VASP: variants seen among roughly 807,000 people sequenced by gnomAD.
The protein encoded by VASP is vasodilator stimulated phosphoprotein, also known as vasodilator-stimulated phosphoprotein.
Under a neutral mutation model 54.4 loss-of-function variants are expected in VASP, and 27 were observed. The observed-to-expected ratio is 0.50, with a 90% confidence interval of 0.37 to 0.68. VASP has a LOEUF of 0.68. VASP is among the 30% of genes least tolerant of loss of function. The pLI is 0.00. For missense variants in VASP, 488 were observed against 528.3 expected, an observed-to-expected ratio of 0.92 and a Z score of 0.75; for synonymous variants, 233 against 209.8, an observed-to-expected ratio of 1.11 and a Z score of -0.96.
In VASP at chr19:45,523,896, C is replaced by T. The variant is rs1488619113; in HGVS notation, c.910+19C>T. 4 of 1,613,814 alleles carry T rather than the reference C, an allele frequency of 2.5e-6. No homozygotes were observed. Among genetic ancestry groups the T allele is most frequent in the African/African-American group, 2.7e-5 (2 of 74,990 alleles). On this transcript the variant is annotated intron_variant, in intron 9 of 12. Transcript: ENST00000245932. The stretch of plus-strand genomic sequence containing the variant: ...CAGAGTGGTGAGTAGAGTGCCCAGT[C>T]CAGCCACAGGAACTACAAATCCCAG...
At chr19:45,516,160 C>T (rs926894380) in intron 1 of VASP, among the ~76,000 whole-genome samples, 20 of 152,322 alleles carry the variant, frequency 1.3e-4, no homozygotes, top group African/African-American at 4.8e-4. Flanking sequence ...TGGTCCTAAA[C>T]CTGGGTTGGT....
At chr19:45,522,984 C>T (rs1026511788) in intron 7 of VASP, among the ~76,000 whole-genome samples, 166 bp downstream of exon 7, 1 of 152,142 alleles carries the variant, frequency 6.6e-6, no homozygotes, top group African/African-American at 2.4e-5. Flanking sequence ...ATGCCTGAGG[C>T]TTGCAACCAC....
intron 1 of VASP, among the ~76,000 whole-genome samples, chr19:45,513,234 G>C (rs1474682503): frequency 6.6e-6 from 1 of 151,646 alleles, no homozygotes; most frequent in Non-Finnish European, 1.5e-5. Flanking sequence ...GTAAAAGTTT[G>C]CCTTTTTTTG....
At chr19:45,522,934 A>G in intron 7 of VASP, 116 bp downstream of exon 7, 1 of 1,111,682 alleles carries the variant, frequency 9.0e-7, no homozygotes, top group Non-Finnish European at 1.3e-6. Context: ...TCCCCCTTTG[A>G]TAACCAGGTT....
Position 45,526,980 on chromosome 19 carries a change from T to C in VASP, c.*803T>C, listed in dbSNP as rs1225955404. On this transcript the variant is annotated 3_prime_UTR_variant, in exon 13 of 13. Transcript: ENST00000245932. ...TGCAGAATAAATCTGCCAGTTTTTA[T>C]AAATGCTAAGATCTCTGGAGTGATT... 6.6e-6 allele frequency: 1 copy of C among 152,100 alleles called. No homozygotes were observed. The highest frequency in any genetic ancestry group is 1.5e-5 in the Non-Finnish European group (1 of 68,032). The allele number at this position is 152,100 out of a possible 1,614,324, so 9.4% of individuals were successfully genotyped here.
Position 45,507,975 on chromosome 19 carries a change from T to G in VASP, c.5+199T>G, listed in dbSNP as rs536515919. Among the ~76,000 whole-genome samples the G allele has an allele frequency of 6.0e-5, 9 of 150,524 alleles. No homozygotes were observed. Among genetic ancestry groups the G allele is most frequent in the African/African-American group, 2.2e-4 (9 of 40,814 alleles). On this transcript the variant is annotated intron_variant, in intron 1 of 12. Coordinates refer to ENST00000245932, the MANE Select transcript of VASP (RefSeq NM_003370.4). The surrounding 1 kb of genome is among the most constrained non-coding windows in gnomAD (Gnocchi z 4.4). The stretch of plus-strand genomic sequence containing the variant: ...CGACTGACTCCCCAAGCTCGGGGGG[T>G]GGTGGCGGTGAGGTTCTCCTGGGAG...
intron 8 of VASP, 64 bp downstream of exon 8, chr19:45,523,759 G>A: frequency 6.2e-7 from 1 of 1,614,016 alleles, no homozygotes. Flanking sequence ...GGGATAGTGG[G>A]ATGTGTGGGG....
intron 1 of VASP, among the ~76,000 whole-genome samples, chr19:45,512,701 G>A (rs1016737504): frequency 2.0e-5 from 3 of 152,002 alleles, no homozygotes; most frequent in Non-Finnish European, 2.9e-5. Context: ...CTGGGTTCAC[G>A]TGATTCTCCT....
At chr19:45,520,241 C>T (rs1232138518) in intron 3 of VASP, among the ~76,000 whole-genome samples, 1 of 152,146 alleles carries the variant, frequency 6.6e-6, no homozygotes, top group Non-Finnish European at 1.5e-5. Flanking sequence ...CATGAATCAC[C>T]TGGGGATCTG....
chr19:45,522,850 G>A (rs766199016), intron 7 of VASP, 32 bp downstream of exon 7: 1 of 1,590,698 alleles, frequency 6.3e-7, no homozygotes, highest in Non-Finnish European at 8.5e-7. Context: ...CAAGTCACCT[G>A]GAGTTCCAGT....
Position 45,522,818 on chromosome 19 carries a change from G to A in VASP, c.821G>A (p.Arg274Lys). 6.2e-7 allele frequency: 1 copy of A among 1,605,792 alleles called. No homozygotes were observed. The highest frequency in any genetic ancestry group is 1.1e-5 in the South Asian group (1 of 90,198). The change falls in exon 7 of 13, where the codon AGA becomes AAA. Residue 274 changes from arginine (R) to lysine (K), a missense_variant and splice_region_variant. Physicochemically the swap from Arg to Lys is conservative, Grantham distance 26. Transcript: ENST00000245932. ...GAGATGAACGCCATGCTGGCCCGGA[G>A]GTGAGCCTGAGCCTGGACCCCCAAG... ...MEEMNAMLAR[R>K]RKATQVGEKT...
At position 45,517,940 on chromosome 19, in the gene VASP, C is replaced by G; in HGVS notation, c.189C>G (p.Asn63Lys). The G allele has an allele frequency of 6.8e-7, 1 of 1,480,664 alleles. No homozygotes were observed. Among genetic ancestry groups the G allele is most frequent in the South Asian group, 1.1e-5 (1 of 88,960 alleles). The allele number at this position is 1,480,664 out of a possible 1,614,324, so 91.7% of individuals were successfully genotyped here. ...KMQPDQQVVI[N>K]CAIVRGVKYN... ...TCCCCTCCCACCAGGTGGTCATCAA[C>G]TGTGCCATCGTCCGGGGTGTCAAGT... Residue 63 changes from asparagine to lysine, a missense_variant, in exon 3 of 13, where the codon AAC (asparagine) becomes AAG (lysine). By Grantham distance (94) the Asn-to-Lys change is moderately conservative. Coordinates refer to ENST00000245932, the MANE Select transcript of VASP (RefSeq NM_003370.4).
Position 45,526,322 on chromosome 19 carries a change from AG to A in VASP, c.*150del. On this transcript the variant is annotated 3_prime_UTR_variant, in exon 13 of 13. Coordinates refer to ENST00000245932, the MANE Select transcript of VASP (RefSeq NM_003370.4). ...TCCCCATCCCACTTGGAAAACTCCA[AG>A]GGGGTGTGGCTTCCCTGCTCACACC... 1 of 1,050,740 alleles carries A rather than the reference AG, an allele frequency of 9.5e-7. No individual in the cohort carries two copies. Among genetic ancestry groups the A allele is most frequent in the South Asian group, 1.8e-5 (1 of 55,804 alleles). 65.1% of individuals were successfully genotyped at this position (1,050,740 alleles called of 1,614,324 possible). A position where few individuals can be genotyped will look rare whatever the true frequency, so the allele number is the denominator to read the frequency against.
At position 45,521,307 on chromosome 19, in the gene VASP, T is replaced by C; in HGVS notation, c.344-15T>C. On this transcript the variant is annotated splice_polypyrimidine_tract_variant and intron_variant, in intron 3 of 12. Transcript: ENST00000245932. Reference sequence around the variant, plus strand: ...TCTGGGACTGATCCATGGCCCTTTCTCTCTCACCTTTCAGGAGGTGGGCCC... The same window carrying C: ...TCTGGGACTGATCCATGGCCCTTTCCCTCTCACCTTTCAGGAGGTGGGCCC... 1 of 1,564,918 alleles carries C rather than the reference T, an allele frequency of 6.4e-7. No homozygotes were observed.
chr19:45,523,666 G>A lies in VASP; in HGVS notation c.844G>A (p.Glu282Lys). 4.3e-6 allele frequency: 7 copies of A among 1,614,140 alleles called. No homozygotes were observed. The highest frequency in any genetic ancestry group is 1.3e-5 in the African/African-American group (1 of 75,050). ...CAGAAGGAAAGCCACGCAAGTTGGG[G>A]AGAAAACCCCCAAGGATGAATCTGC... ...ARRRKATQVG[E>K]KTPKDESANQ... Residue 282 changes from glutamate to lysine, a missense_variant, in exon 8 of 13, where the codon GAG becomes AAG. Coordinates refer to ENST00000245932, the MANE Select transcript of VASP (RefSeq NM_003370.4).
At chr19:45,513,468 CTTT>C (rs71173173) in intron 1 of VASP, among the ~76,000 whole-genome samples, 289 of 92,786 alleles carry the variant, frequency 3.1e-3, no homozygotes, top group South Asian at 5.9e-3. Context: ...AGTCTCTCTC[CTTT>C]TTTTTTTTTT....
intron 1 of VASP, among the ~76,000 whole-genome samples, chr19:45,513,126 C>G (rs531406479): frequency 3.3e-5 from 5 of 152,256 alleles, no homozygotes; most frequent in Admixed American, 3.3e-4. Flanking sequence ...CAGAGCCTAT[C>G]CCATGAGGTT....
At chr19:45,510,221 TGTTG>T (rs57399280) in intron 1 of VASP, among the ~76,000 whole-genome samples, 18,929 of 152,074 alleles carry the variant, frequency 0.12, 1,421 homozygotes, top group East Asian at 0.34. Context: ...CTGGTTTTTT[TGTTG>T]GTTTGTTTGT....
intron 1 of VASP, among the ~76,000 whole-genome samples, chr19:45,517,073 G>A (rs191874511): frequency 3.8e-4 from 57 of 150,914 alleles, no homozygotes; most frequent in East Asian, 2.5e-3. Context: ...TGGGAGGATC[G>A]CTTGAGCTCA....
Sources: gnomAD v4.1 joint callset for allele counts (sites outside exome capture counted in the v4.1 genomes callset) on GRCh38, gnomAD v4.1.1 for gene constraint, Gnocchi (gnomAD v3.1) non-coding constraint, MANE v1.5 for transcripts, NCBI Gene and HGNC (gene_info 2026-07-23, HGNC 2026-07-21) for gene names.